UBE2E1: variants seen among roughly 807,000 people sequenced by gnomAD.
The protein encoded by UBE2E1 is ubiquitin-conjugating enzyme E2 E1.
A neutral mutation model predicts 21.4 loss-of-function variants in UBE2E1; 6 were observed. The ratio of observed to expected loss-of-function variants is 0.28; its 90% confidence interval spans 0.15 to 0.55. UBE2E1 has a LOEUF of 0.55. Among genes scored for constraint, UBE2E1 ranks in the 20% least tolerant of loss-of-function variants. UBE2E1 has a pLI of 0.93. For synonymous variants in UBE2E1, 87 were observed against 82.7 expected, an observed-to-expected ratio of 1.05 and a Z score of -0.28; for missense variants, 142 against 236.5, an observed-to-expected ratio of 0.60 and a Z score of 2.62.
In UBE2E1 at chr3:23,816,238, C is replaced by T. The variant is rs1206400430; in HGVS notation, c.203+4728C>T. Among the ~76,000 whole-genome samples, 1 of 152,138 alleles carries T rather than the reference C, an allele frequency of 6.6e-6. No individual in the cohort carries two copies. On this transcript the variant is annotated intron_variant, in intron 3 of 5. Transcript: ENST00000306627. This position sits in a 1 kb window ranked among gnomAD's most constrained non-coding sequence, Gnocchi z 4.8. Reference sequence around the variant, plus strand: ...TAAAAACAGAGGCTCAAACAGATAACCTGTATGTCAGTATTCATAGCATTA... The same window carrying T: ...TAAAAACAGAGGCTCAAACAGATAATCTGTATGTCAGTATTCATAGCATTA...
At chr3:23,845,547 C>A (rs1700178140) in intron 3 of UBE2E1, among the ~76,000 whole-genome samples, 1 of 149,520 alleles carries the variant, frequency 6.7e-6, no homozygotes, top group African/African-American at 2.5e-5. Flanking sequence ...TGTCCATCTC[C>A]CCACTGTTTT....
intron 3 of UBE2E1, among the ~76,000 whole-genome samples, chr3:23,886,177 C>T (rs918202514): frequency 2.0e-5 from 3 of 152,162 alleles, no homozygotes; most frequent in African/African-American, 7.2e-5. Flanking sequence ...GCATTCCAGC[C>T]TGGGTAGCAG....
intron 3 of UBE2E1, among the ~76,000 whole-genome samples, chr3:23,841,358 T>C (rs1234681837): frequency 6.6e-6 from 1 of 152,150 alleles, no homozygotes; most frequent in Non-Finnish European, 1.5e-5. Flanking sequence ...TTTAATTGTT[T>C]TAGGGTTTTT....
Position 23,876,041 on chromosome 3 carries a change from G to A in UBE2E1, c.204-11526G>A, listed in dbSNP as rs1404021981. On this transcript the variant is annotated intron_variant, in intron 3 of 5. Coordinates refer to ENST00000306627, the MANE Select transcript of UBE2E1 (RefSeq NM_003341.5). This position sits in a 1 kb window ranked among gnomAD's most constrained non-coding sequence, Gnocchi z 4.3. ...CCGCTTTGGCCTCACAAAGTGCTGG[G>A]ATTACAGGCGTGAGCCACTGTGCCC... 2.0e-5 allele frequency among the ~76,000 whole-genome samples: 3 copies of A among 152,248 alleles called. No homozygotes were observed. Among genetic ancestry groups the A allele is most frequent in the African/African-American group, 7.2e-5 (3 of 41,458 alleles).
chr3:23,860,774 A>G (rs1234955187), intron 3 of UBE2E1, among the ~76,000 whole-genome samples: 1 of 152,268 alleles, frequency 6.6e-6, no homozygotes, highest in Non-Finnish European at 1.5e-5. Flanking sequence ...TTCTTGAAAT[A>G]AAACTAGGTA....
chr3:23,828,539 A>G (rs1048080692), intron 3 of UBE2E1, among the ~76,000 whole-genome samples: 12 of 152,190 alleles, frequency 7.9e-5, no homozygotes, highest in Non-Finnish European at 1.8e-4. Context: ...ATGCATATAG[A>G]TAGAAGTTAC....
intron 3 of UBE2E1, among the ~76,000 whole-genome samples, chr3:23,847,436 A>T (rs1430263696): frequency 1.3e-5 from 2 of 151,064 alleles, no homozygotes; most frequent in Admixed American, 1.3e-4. Flanking sequence ...ACCCTGTGGT[A>T]TTAATAGTTT....
chr3:23,845,577 C>G (rs1700179630), intron 3 of UBE2E1, among the ~76,000 whole-genome samples: 1 of 58,906 alleles, frequency 1.7e-5, no homozygotes, highest in Admixed American at 2.3e-4. Context: ...CTCTCTCTCT[C>G]TCTCTCTCTC....
rs960711253 is a variant in UBE2E1, at chr3:23,842,039, C to A, written c.203+30529C>A. ...TTTGATTATCCTAGTGATTGTTACA[C>A]TGAATCAGAAAATGCATTTACCTTA... On this transcript the variant is annotated intron_variant, in intron 3 of 5. Coordinates refer to ENST00000306627, the MANE Select transcript of UBE2E1 (RefSeq NM_003341.5). The surrounding 1 kb of genome is among the most constrained non-coding windows in gnomAD (Gnocchi z 4.6). 6.6e-6 allele frequency among the ~76,000 whole-genome samples: 1 copy of A among 152,116 alleles called. No homozygotes were observed. Among genetic ancestry groups the A allele is most frequent in the Non-Finnish European group, 1.5e-5 (1 of 68,026 alleles).
intron 3 of UBE2E1, among the ~76,000 whole-genome samples, chr3:23,841,412 T>C (rs1456692951): frequency 1.3e-5 from 2 of 152,164 alleles, no homozygotes; most frequent in African/African-American, 2.4e-5. Context: ...TCTCTACTCT[T>C]CTTACTCAGA....
At chr3:23,860,174 T>C (rs1700522883) in intron 3 of UBE2E1, among the ~76,000 whole-genome samples, 3 of 152,240 alleles carry the variant, frequency 2.0e-5, no homozygotes, top group African/African-American at 7.2e-5. Flanking sequence ...CTGTCTGTCC[T>C]TGGTTTCTGG....
chr3:23,855,702 C>T (rs758526146), intron 3 of UBE2E1, among the ~76,000 whole-genome samples: 9 of 151,750 alleles, frequency 5.9e-5, no homozygotes, highest in East Asian at 1.9e-4. Context: ...TGGTGGTGGG[C>T]GCCTGTAGTC....
rs1032699544 is a variant in UBE2E1 at position 23,854,352 on chromosome 3, G to C, written c.204-33215G>C. Among the ~76,000 whole-genome samples, 9 of 152,076 alleles carry C rather than the reference G, an allele frequency of 5.9e-5. No individual in the cohort carries two copies. The East Asian group carries it at 1.5e-3, about 26-fold the overall frequency. ...AGAGATATACCAAAGTATTTGGGAG[G>C]GATGTTTTTAAAGCTTACCTCTTTT... On this transcript the variant is annotated intron_variant, in intron 3 of 5. Transcript: ENST00000306627.
rs950630220 is a variant in UBE2E1 at position 23,839,337 on chromosome 3, G to A, written c.203+27827G>A. Among the ~76,000 whole-genome samples, 10 of 151,840 alleles carry A rather than the reference G, an allele frequency of 6.6e-5. No homozygotes were observed. The East Asian group carries it at 1.7e-3, about 26-fold the overall frequency. On this transcript the variant is annotated intron_variant, in intron 3 of 5. Coordinates refer to ENST00000306627, the MANE Select transcript of UBE2E1 (RefSeq NM_003341.5). The stretch of plus-strand genomic sequence containing the variant: ...AAATTAGCCGGGCATGGTGACATGC[G>A]CATGTAGTCTCAGCTACTTGGGAGG...
Position 23,810,572 on chromosome 3 carries a change from G to C in UBE2E1, c.153-888G>C, listed in dbSNP as rs1015077267. On this transcript the variant is annotated intron_variant, in intron 2 of 5. Transcript: ENST00000306627. The surrounding 1 kb of genome is among the most constrained non-coding windows in gnomAD (Gnocchi z 5.8). The stretch of plus-strand genomic sequence containing the variant: ...AGAGTCCCGGCCAGCGTGCGGGGCG[G>C]AGGCAGGGTCCGGTGCACCTGTGCG... 21 of 1,514,098 alleles carry C rather than the reference G, an allele frequency of 1.4e-5. No homozygotes were observed. Among genetic ancestry groups the C allele is most frequent in the Non-Finnish European group, 1.8e-5 (20 of 1,132,382 alleles). The allele number at this position is 1,514,098 out of a possible 1,614,324, so 93.8% of individuals were successfully genotyped here. A position where few individuals can be genotyped will look rare whatever the true frequency, so the allele number is the denominator to read the frequency against.
chr3:23,840,278 A>G (rs1163554502), intron 3 of UBE2E1, among the ~76,000 whole-genome samples: 2 of 152,152 alleles, frequency 1.3e-5, no homozygotes, highest in African/African-American at 4.8e-5. Flanking sequence ...TTTCTGGATC[A>G]GTTTCTATTG....
At chr3:23,881,751 G>A (rs568697143) in intron 3 of UBE2E1, among the ~76,000 whole-genome samples, 8 of 152,310 alleles carry the variant, frequency 5.3e-5, no homozygotes, top group South Asian at 2.1e-4. Flanking sequence ...GAATGAAGCC[G>A]CGGACCCTCA....
chr3:23,812,409 T>G (rs915594643), intron 3 of UBE2E1, among the ~76,000 whole-genome samples: 1 of 152,230 alleles, frequency 6.6e-6, no homozygotes, highest in Non-Finnish European at 1.5e-5. Flanking sequence ...TGACAAAGTA[T>G]TCAGCGGCTA....
intron 3 of UBE2E1, among the ~76,000 whole-genome samples, chr3:23,869,364 TTTTTTTTTTTTA>T (rs1293305929): frequency 1.1e-4 from 7 of 61,110 alleles, no homozygotes; most frequent in Non-Finnish European, 2.9e-4. Context: ...TTTTTTTTTT[TTTTTTTTTTTTA>T]AGGATTTTCA....
Sources: gnomAD v4.1 joint callset for allele counts (sites outside exome capture counted in the v4.1 genomes callset) on GRCh38, gnomAD v4.1.1 for gene constraint, Gnocchi (gnomAD v3.1) non-coding constraint, MANE v1.5 for transcripts, NCBI Gene and HGNC (gene_info 2026-07-23, HGNC 2026-07-21) for gene names.